The following SLC7A2 variants were observed in gnomAD, a reference collection of about 807,000 sequenced individuals.
SLC7A2 encodes cationic amino acid transporter 2.
Under a neutral mutation model 58.9 loss-of-function variants are expected in SLC7A2, and 48 were observed. The ratio of observed to expected loss-of-function variants is 0.82; its 90% CI spans 0.65 to 1.04. The LOEUF (loss-of-function observed/expected upper bound fraction) is 1.04, where lower values mean the gene tolerates loss of function less well. Ranked by LOEUF, SLC7A2 falls within the 50% of genes least tolerant of loss-of-function variation. SLC7A2 has a pLI of 0.00. For synonymous variants in SLC7A2, 363 were observed against 314.5 expected (o/e 1.15, Z -1.63); for missense variants, 1,029 against 818.8 (o/e 1.26, Z -3.13).
chr8:17,501,045 G>A lies in SLC7A2; in HGVS notation c.-68-1212G>A, dbSNP rs140203529. Among the ~76,000 whole-genome samples the A allele has an allele frequency of 8.1e-5, 12 of 147,614 alleles. No individual in the cohort carries two copies. The East Asian group carries it at 9.9e-4, about 12-fold the overall frequency. ...TTTTTCTGTTTTGAGACAGAGTCTC[G>A]TTCTGACGCCCAGGCTAGAGTGCAG... On this transcript the variant is annotated intron_variant, in intron 1 of 12. Transcript: ENST00000494857.
chr8:17,562,105 T>G lies in SLC7A2; in HGVS notation c.1666T>G (p.Phe556Val). Residue 556 changes from phenylalanine to valine, a missense_variant, in exon 11 of 13, where the codon TTC becomes GTC. Coordinates refer to ENST00000494857, the MANE Select transcript of SLC7A2 (RefSeq NM_001370338.1). ...RQPQNQQKVA[F>V]MVPFLPFLPA... ...GCCCCAGAATCAGCAAAAAGTAGCC[T>G]TCATGGTATGTGTAATGAGGATTAG... is the stretch of plus-strand genomic sequence containing the variant. 6.2e-7 allele frequency: 1 copy of G among 1,611,746 alleles called. No individual in the cohort carries two copies. Among genetic ancestry groups the G allele is most frequent in the East Asian group, 2.2e-5 (1 of 44,714 alleles).
At chr8:17,506,605 G>C (rs1800373791) in intron 2 of SLC7A2, among the ~76,000 whole-genome samples, 1 of 152,166 alleles carries the variant, frequency 6.6e-6, no homozygotes, top group African/African-American at 2.4e-5. Flanking sequence ...TCTTTTTATA[G>C]GTTAAGAGAC....
intron 2 of SLC7A2, among the ~76,000 whole-genome samples, chr8:17,542,600 A>C (rs947905896): frequency 2.6e-5 from 4 of 151,828 alleles, no homozygotes; most frequent in African/African-American, 9.7e-5. Context: ...TCAGTGAGCT[A>C]TGATCACGCC....
At chr8:17,527,132 G>C (rs1252052275) in intron 2 of SLC7A2, among the ~76,000 whole-genome samples, 1 of 151,880 alleles carries the variant, frequency 6.6e-6, no homozygotes, top group Non-Finnish European at 1.5e-5. Context: ...AGGTAGGTAG[G>C]GTACTTAATG....
rs751070081 is a variant in SLC7A2, at chr8:17,551,813, G to T, written c.882G>T (p.Thr294=). Residue 294 remains threonine (T), a synonymous_variant, in exon 7 of 13, where the codon ACG becomes ACT. Transcript: ENST00000494857. ...PQKAIPIGIV[T]SLLVCFMAYF... is the part of the protein sequence containing the mutation. ...AAGCTATTCCCATTGGAATTGTGAC[G>T]TCTTTGCTTGTTTGCTTTATGGCCT... 3.7e-5 allele frequency: 59 copies of T among 1,613,794 alleles called. No homozygotes were observed. Among genetic ancestry groups the T allele is most frequent in the Non-Finnish European group, 5.0e-5 (59 of 1,179,994 alleles).
upstream of SLC7A2, among the ~76,000 whole-genome samples, chr8:17,496,646 T>G (rs1799964730): frequency 1.3e-5 from 2 of 152,202 alleles, no homozygotes; most frequent in Non-Finnish European, 2.9e-5. Context: ...ACAAAGCACA[T>G]CCACCTGGGC....
intron 2 of SLC7A2, among the ~76,000 whole-genome samples, chr8:17,523,143 A>G (rs1483918449): frequency 6.6e-6 from 1 of 152,180 alleles, no homozygotes; most frequent in Non-Finnish European, 1.5e-5. Flanking sequence ...GTATCCTGGA[A>G]CATAAATTTA....
At chr8:17,496,817 G>A (rs1324622525), upstream of SLC7A2, among the ~76,000 whole-genome samples, 3 of 152,246 alleles carry the variant, frequency 2.0e-5, no homozygotes, top group East Asian at 3.9e-4. Context: ...AGAGCACGAA[G>A]TTTATCCTCG....
chr8:17,538,892 C>T (rs1366514120), intron 2 of SLC7A2: 13 of 1,613,592 alleles, frequency 8.1e-6, no homozygotes, highest in Non-Finnish European at 1.1e-5. Context: ...GGAACACCTG[C>T]CCCACCGGTT....
chr8:17,529,589 G>T (rs1801358066), intron 2 of SLC7A2, among the ~76,000 whole-genome samples: 1 of 150,702 alleles, frequency 6.6e-6, no homozygotes, highest in Admixed American at 6.6e-5. Context: ...GGAGTGCAGT[G>T]ATGTGATCTT....
At chr8:17,497,751 C>T (rs1048465213) in intron 1 of SLC7A2, among the ~76,000 whole-genome samples, 3 of 152,288 alleles carry the variant, frequency 2.0e-5, no homozygotes, top group South Asian at 4.1e-4. Context: ...GCTGGAAGCC[C>T]CTTCACATTC....
intron 2 of SLC7A2, among the ~76,000 whole-genome samples, chr8:17,541,826 A>C (rs1414726603): frequency 6.6e-6 from 1 of 152,230 alleles, no homozygotes; most frequent in East Asian, 1.9e-4. Context: ...GATATTTTGA[A>C]TGTTTTGCTT....
intron 6 of SLC7A2, 23 bp downstream of exon 6, chr8:17,550,457 G>T: frequency 6.2e-7 from 1 of 1,607,938 alleles, no homozygotes; most frequent in Non-Finnish European, 8.5e-7. Context: ...TCTTGGCTCA[G>T]TGTAGAAGGA....
intron 2 of SLC7A2, among the ~76,000 whole-genome samples, chr8:17,530,916 A>G (rs917307684): frequency 2.0e-5 from 3 of 152,186 alleles, no homozygotes; most frequent in Non-Finnish European, 4.4e-5. Context: ...CATTCTTTAT[A>G]TAATAATTTA....
Position 17,569,497 on chromosome 8 carries a change from A to G in SLC7A2, c.*4351A>G, listed in dbSNP as rs1272091452. 1.3e-5 allele frequency: 2 copies of G among 152,198 alleles called. No homozygotes were observed. The highest frequency in any genetic ancestry group is 2.4e-5 in the African/African-American group (1 of 41,448). The allele number at this position is 152,198 out of a possible 1,614,324, so 9.4% of individuals were successfully genotyped here. ...GGTCATTTTCATTTTTTAGTCATAT[A>G]GATATGAAAATAAGTTCATATAGAT... On this transcript the variant is annotated 3_prime_UTR_variant, in exon 13 of 13. Transcript: ENST00000494857.
intron 4 of SLC7A2, among the ~76,000 whole-genome samples, chr8:17,546,795 T>G (rs1802193291): frequency 6.6e-6 from 1 of 152,178 alleles, no homozygotes; most frequent in Non-Finnish European, 1.5e-5. Flanking sequence ...CAACTAAATC[T>G]GTGGCATCAT....
chr8:17,512,649 A>T (rs117465236), intron 2 of SLC7A2, among the ~76,000 whole-genome samples: 1 of 152,184 alleles, frequency 6.6e-6, no homozygotes, highest in East Asian at 1.9e-4. Flanking sequence ...TTAAAATCGC[A>T]GTTAGTAGAC....
At position 17,568,742 on chromosome 8, in the gene SLC7A2, T is replaced by C. The variant is rs1200116524; in HGVS notation, c.*3596T>C. ...ATCTTGGGAGGTCGAGGCAAGCTGA[T>C]CGCTTGAGCCCAGGAGTTTAAGACC... On this transcript the variant is annotated 3_prime_UTR_variant, in exon 13 of 13. Transcript: ENST00000494857. 8.6e-5 allele frequency: 13 copies of C among 152,042 alleles called. No homozygotes were observed. Among genetic ancestry groups the C allele is most frequent in the Admixed American group, 8.5e-4 (13 of 15,250 alleles). 9.4% of individuals were successfully genotyped at this position (152,042 alleles called of 1,614,324 possible). A position where few individuals can be genotyped will look rare whatever the true frequency, so the allele number is the denominator to read the frequency against.
At chr8:17,523,160 A>G (rs1457938630) in intron 2 of SLC7A2, among the ~76,000 whole-genome samples, 1 of 152,188 alleles carries the variant, frequency 6.6e-6, no homozygotes, top group Non-Finnish European at 1.5e-5. Context: ...TTTAAAAAAA[A>G]GGAGGGAGAA....
Sources: gnomAD v4.1 joint callset for allele counts (sites outside exome capture counted in the v4.1 genomes callset) on GRCh38, gnomAD v4.1.1 for gene constraint, MANE v1.5 for transcripts, NCBI Gene and HGNC (gene_info 2026-07-23, HGNC 2026-07-21) for gene names.